NDST4: variants seen among roughly 807,000 people sequenced by gnomAD.
NDST4 encodes the protein N-heparan sulfate sulfotransferase 4.
In NDST4, 63 loss-of-function variants were observed where a neutral mutation model predicts 100.8. That is an observed-to-expected ratio of 0.62 (90% confidence interval 0.51 to 0.77). The LOEUF is 0.77. Among genes scored for constraint, NDST4 ranks in the 30% least tolerant of loss-of-function variants. The pLI is 0.00. For synonymous variants in NDST4, 377 were observed against 361.8 expected, an observed-to-expected ratio of 1.04 and a Z score of -0.48; for missense variants, 943 against 1,018.4, an observed-to-expected ratio of 0.93 and a Z score of 1.01.
At chr4:115,081,593 G>A (rs1000438553) in intron 1 of NDST4, among the ~76,000 whole-genome samples, 2 of 152,088 alleles carry the variant, frequency 1.3e-5, no homozygotes, top group African/African-American at 4.8e-5. Context: ...CAAAAGGCAC[G>A]TGTTAAATGA....
At chr4:114,832,692 G>T (rs1479384133) in intron 12 of NDST4, among the ~76,000 whole-genome samples, 1 of 152,092 alleles carries the variant, frequency 6.6e-6, no homozygotes, top group East Asian at 1.9e-4. Context: ...TGGCTTTAGT[G>T]ACTATTGTAA....
intron 2 of NDST4, among the ~76,000 whole-genome samples, chr4:115,010,718 G>A (rs1223219398): frequency 6.6e-6 from 1 of 151,760 alleles, no homozygotes; most frequent in African/African-American, 2.4e-5. Flanking sequence ...ATGGCTCTTT[G>A]TGACTTTGAA....
At chr4:114,926,955 A>C (rs923650128) in intron 6 of NDST4, among the ~76,000 whole-genome samples, 1 of 152,036 alleles carries the variant, frequency 6.6e-6, no homozygotes, top group Non-Finnish European at 1.5e-5. Context: ...GCTTACATAC[A>C]TATGAATTCA....
chr4:115,099,808 G>T (rs757511056), intron 1 of NDST4, among the ~76,000 whole-genome samples: 1 of 152,046 alleles, frequency 6.6e-6, no homozygotes. Context: ...ATGATCCTTG[G>T]TATTTACTCA....
At chr4:115,015,075 C>T (rs147491831) in intron 2 of NDST4, among the ~76,000 whole-genome samples, 7 of 152,164 alleles carry the variant, frequency 4.6e-5, no homozygotes, top group South Asian at 2.1e-4. Flanking sequence ...ATCCCAGCAG[C>T]GCTCCACTGG....
intron 6 of NDST4, among the ~76,000 whole-genome samples, chr4:114,915,835 GA>G (rs1162642115): frequency 6.6e-6 from 1 of 151,968 alleles, no homozygotes; most frequent in Non-Finnish European, 1.5e-5. Flanking sequence ...AGGAGAAGGA[GA>G]GGGGGAGAGG....
rs927745336 is a variant in NDST4 at position 115,075,286 on chromosome 4, T to C, written c.978+773A>G. Reference sequence around the variant, plus strand: ...TTCATATGAGCAAATATTATGCTTGTTTGAGATTATAGAAAGGTCTTGTGC... The same window carrying C: ...TTCATATGAGCAAATATTATGCTTGCTTGAGATTATAGAAAGGTCTTGTGC... On this transcript the variant is annotated intron_variant, in intron 2 of 13. Coordinates refer to ENST00000264363, the MANE Select transcript of NDST4 (RefSeq NM_022569.3). 2.6e-5 allele frequency among the ~76,000 whole-genome samples: 4 copies of C among 152,228 alleles called. No homozygotes were observed. The South Asian group carries it at 8.3e-4, about 31-fold the overall frequency.
At chr4:115,017,478 T>C (rs941780998) in intron 2 of NDST4, among the ~76,000 whole-genome samples, 1 of 152,084 alleles carries the variant, frequency 6.6e-6, no homozygotes, top group African/African-American at 2.4e-5. Context: ...AGATCACTGC[T>C]TTATGCCATT....
Position 114,966,101 on chromosome 4 carries a change from C to T in NDST4, c.1221+4329G>A, listed in dbSNP as rs536320894. Among the ~76,000 whole-genome samples the T allele has an allele frequency of 5.3e-5, 8 of 152,050 alleles. No homozygotes were observed. The South Asian group carries it at 6.2e-4, about 12-fold the overall frequency. ...AGGGTATCTTGTAACTGCCATATTT[C>T]GGTTGACTATGCTTGTCATTAGACT... On this transcript the variant is annotated intron_variant, in intron 4 of 13. Coordinates refer to ENST00000264363, the MANE Select transcript of NDST4 (RefSeq NM_022569.3).
At position 114,920,577 on chromosome 4, in the gene NDST4, C is replaced by G. The variant is rs540013855; in HGVS notation, c.1536+14629G>C. On this transcript the variant is annotated intron_variant, in intron 6 of 13. Transcript: ENST00000264363. ...GTGGCAACTATAAATCAAGGAAACACTTCATGCTTGGAATCTTATCTTTTA... is the reference window on the plus strand; with the variant it reads ...GTGGCAACTATAAATCAAGGAAACAGTTCATGCTTGGAATCTTATCTTTTA... Among the ~76,000 whole-genome samples, 25 of 152,298 alleles carry G rather than the reference C, an allele frequency of 1.6e-4. 1 individual carries two copies. In the South Asian group the frequency reaches 5.2e-3, roughly 32 times the overall value.
chr4:115,000,966 G>C (rs1247843192), intron 2 of NDST4, among the ~76,000 whole-genome samples: 2 of 152,080 alleles, frequency 1.3e-5, no homozygotes, highest in African/African-American at 4.8e-5. Context: ...TGGAAAGGAT[G>C]CATGAACTCC....
chr4:115,087,671 G>T (rs1412574233), intron 1 of NDST4, among the ~76,000 whole-genome samples: 1 of 151,688 alleles, frequency 6.6e-6, no homozygotes, highest in Non-Finnish European at 1.5e-5. Flanking sequence ...AATTTATATG[G>T]AAGCTACAAA....
chr4:114,901,877 T>C (rs1454908086), intron 6 of NDST4, among the ~76,000 whole-genome samples: 1 of 151,918 alleles, frequency 6.6e-6, no homozygotes, highest in Non-Finnish European at 1.5e-5. Flanking sequence ...GTTTCCAATA[T>C]ACATTTACAA....
intron 2 of NDST4, among the ~76,000 whole-genome samples, chr4:115,030,402 AAG>A (rs1728089344): frequency 6.6e-6 from 1 of 152,096 alleles, no homozygotes; most frequent in South Asian, 2.1e-4. Context: ...ACTCAGAAGA[AAG>A]AAATAATAAG....
intron 2 of NDST4, among the ~76,000 whole-genome samples, chr4:115,072,160 C>T (rs1371308523): frequency 1.3e-5 from 2 of 151,958 alleles, no homozygotes; most frequent in African/African-American, 2.4e-5. Context: ...ATCTTGAAAG[C>T]AGCAAGAGAA....
chr4:115,028,923 C>T (rs1728047501), intron 2 of NDST4, among the ~76,000 whole-genome samples: 1 of 151,926 alleles, frequency 6.6e-6, no homozygotes. Context: ...GTAGAAAAAC[C>T]ACAAAGGATA....
chr4:114,909,373 A>G lies in NDST4; in HGVS notation c.1536+25833T>C, dbSNP rs973361802. Among the ~76,000 whole-genome samples the G allele has an allele frequency of 4.6e-5, 7 of 152,152 alleles. No homozygotes were observed. In the East Asian group the frequency reaches 1.3e-3, roughly 29 times the overall value. On this transcript the variant is annotated intron_variant, in intron 6 of 13. Transcript: ENST00000264363. Reference sequence around the variant, plus strand: ...CTACTGAGACTTCTTAGAAAGCTAAATTATTGGCCGGGCGCGGTGGCTCAC... The same window carrying G: ...CTACTGAGACTTCTTAGAAAGCTAAGTTATTGGCCGGGCGCGGTGGCTCAC...
chr4:114,927,091 C>T (rs1725400657), intron 6 of NDST4, among the ~76,000 whole-genome samples: 1 of 151,898 alleles, frequency 6.6e-6, no homozygotes. Context: ...GATATCTTCC[C>T]ATTTTATCTC....
At chr4:114,869,800 A>C (rs773293517) in intron 7 of NDST4, among the ~76,000 whole-genome samples, 1 of 152,196 alleles carries the variant, frequency 6.6e-6, no homozygotes, top group Non-Finnish European at 1.5e-5. Context: ...TGTTCTTTGC[A>C]TGCCCTAGAA....
Sources: gnomAD v4.1 joint callset for allele counts (sites outside exome capture counted in the v4.1 genomes callset) on GRCh38, gnomAD v4.1.1 for gene constraint, MANE v1.5 for transcripts, NCBI Gene and HGNC (gene_info 2026-07-23, HGNC 2026-07-21) for gene names.